Variants in SHISA6 observed in about 807,000 individuals in gnomAD.
SHISA6 encodes protein shisa-6.
SHISA6 carries 22 observed loss-of-function variants against 47.9 expected under a neutral mutation model. The observed-to-expected ratio is 0.46, with a 90% confidence interval of 0.33 to 0.66. The LOEUF (loss-of-function observed/expected upper bound fraction) is 0.66, where lower values mean the gene tolerates loss of function less well. Among genes scored for constraint, SHISA6 ranks in the 30% least tolerant of loss-of-function variants. SHISA6 has a pLI of 0.02. For missense variants in SHISA6, 680 were observed against 764.6 expected, an observed-to-expected ratio of 0.89 and a Z score of 1.30; for synonymous variants, 388 against 337.8, an observed-to-expected ratio of 1.15 and a Z score of -1.63.
chr17:11,369,598 C>G (rs1228990626), intron 2 of SHISA6, among the ~76,000 whole-genome samples: 1 of 152,230 alleles, frequency 6.6e-6, no homozygotes, highest in African/African-American at 2.4e-5. Context: ...TCCTTCATTT[C>G]TTAATAGAGC....
Position 11,263,497 on chromosome 17 carries a change from C to G in SHISA6, c.770C>G (p.Thr257Ser). The change falls in exon 2 of 6, where the codon ACT becomes AGT. Residue 257 changes from threonine (T) to serine (S), a missense_variant. Thr to Ser is a moderately conservative substitution (Grantham distance 58). Coordinates refer to ENST00000441885, the MANE Select transcript of SHISA6 (RefSeq NM_207386.4). ...PVRSSSKNHYTPVRTAKQTPG... is the reference protein window; with the variant it reads ...PVRSSSKNHYSPVRTAKQTPG... ...AGATCGTCCTCCAAAAACCACTACA[C>G]TCCTGTGCGTACGGCCAAGCAGACT... The G allele has an allele frequency of 2.6e-6, 4 of 1,551,754 alleles. No homozygotes were observed. The highest frequency in any genetic ancestry group is 1.2e-5 in the South Asian group (1 of 84,058).
intron 3 of SHISA6, among the ~76,000 whole-genome samples, chr17:11,510,231 G>A (rs2071531131): frequency 6.6e-6 from 1 of 151,890 alleles, no homozygotes; most frequent in East Asian, 1.9e-4. Context: ...CTTTCTTCAG[G>A]GAGCCTCCTC....
chr17:11,376,283 T>C (rs985475070), intron 2 of SHISA6, among the ~76,000 whole-genome samples: 6 of 151,640 alleles, frequency 4.0e-5, no homozygotes. Context: ...GACTCCCCTC[T>C]CTTCTGTCTG....
At chr17:11,440,561 G>A (rs1304658847) in intron 3 of SHISA6, among the ~76,000 whole-genome samples, 1 of 150,212 alleles carries the variant, frequency 6.7e-6, no homozygotes, top group Non-Finnish European at 1.5e-5. Context: ...TCACTTGCCT[G>A]TCCCACAGGT....
chr17:11,314,624 C>T (rs1188491525), intron 2 of SHISA6, among the ~76,000 whole-genome samples: 3 of 151,390 alleles, frequency 2.0e-5, no homozygotes, highest in East Asian at 1.9e-4. Flanking sequence ...CAACCTCCGT[C>T]TCCCGGATTC....
chr17:11,257,473 C>A (rs1908058589), intron 1 of SHISA6, among the ~76,000 whole-genome samples: 1 of 151,932 alleles, frequency 6.6e-6, no homozygotes, highest in Non-Finnish European at 1.5e-5. Flanking sequence ...CCAGCCTGAG[C>A]AACATGGTGA....
intron 3 of SHISA6, among the ~76,000 whole-genome samples, chr17:11,383,563 A>G (rs1168153259): frequency 6.6e-6 from 1 of 152,118 alleles, no homozygotes; most frequent in East Asian, 1.9e-4. Flanking sequence ...AAGGTCCCAC[A>G]GTGATTGGCC....
At chr17:11,355,342 C>A (rs1396983992) in intron 2 of SHISA6, among the ~76,000 whole-genome samples, 12 of 152,230 alleles carry the variant, frequency 7.9e-5, no homozygotes, top group Non-Finnish European at 1.6e-4. Flanking sequence ...CCTCCCTTTA[C>A]CTTGTACATA....
chr17:11,379,202 ATATG>A (rs1912923465), intron 2 of SHISA6, among the ~76,000 whole-genome samples: 8 of 148,202 alleles, frequency 5.4e-5, no homozygotes. Context: ...ATATATGTGT[ATATG>A]TATATATATT....
At position 11,391,003 on chromosome 17, in the gene SHISA6, C is replaced by T. The variant is rs115098836; in HGVS notation, c.895+11494C>T. On this transcript the variant is annotated intron_variant, in intron 3 of 5. Transcript: ENST00000441885. ...GAGAAAAATGTTGCCTCTGAATGGA[C>T]GGGTCCTAAATGGCCTCCTATGGGA... Among the ~76,000 whole-genome samples, 534 of 152,256 alleles carry T rather than the reference C, an allele frequency of 3.5e-3. 3 individuals are homozygous for T. The highest frequency in any genetic ancestry group is 0.012 in the African/African-American group (504 of 41,552).
chr17:11,271,592 C>A (rs1300961237), intron 2 of SHISA6, among the ~76,000 whole-genome samples: 1 of 148,492 alleles, frequency 6.7e-6, no homozygotes, highest in Non-Finnish European at 1.5e-5. Context: ...TGCACACCAC[C>A]ACGCCTGGCT....
At chr17:11,536,572 G>T (rs1421128625) in intron 3 of SHISA6, among the ~76,000 whole-genome samples, 1 of 152,158 alleles carries the variant, frequency 6.6e-6, no homozygotes, top group Non-Finnish European at 1.5e-5. Context: ...GAGGTGAAAA[G>T]AATCTGAAAT....
chr17:11,514,351 GC>G (rs1350035966), intron 3 of SHISA6, among the ~76,000 whole-genome samples: 1 of 152,164 alleles, frequency 6.6e-6, no homozygotes, highest in Non-Finnish European at 1.5e-5. Flanking sequence ...CTGGTATTGG[GC>G]ATAAGGCTTG....
At chr17:11,507,841 C>T (rs2071512454) in intron 3 of SHISA6, among the ~76,000 whole-genome samples, 1 of 152,190 alleles carries the variant, frequency 6.6e-6, no homozygotes, top group Admixed American at 6.5e-5. Context: ...GCATAACATC[C>T]TCATCCTTTG....
At chr17:11,450,701 A>T (rs1915372155) in intron 3 of SHISA6, among the ~76,000 whole-genome samples, 1 of 133,730 alleles carries the variant, frequency 7.5e-6, no homozygotes, top group South Asian at 2.6e-4. Flanking sequence ...ATCCAAAAGA[A>T]AAGAAAAAAA....
At chr17:11,523,381 C>G (rs193165724) in intron 3 of SHISA6, among the ~76,000 whole-genome samples, 6 of 152,280 alleles carry the variant, frequency 3.9e-5, no homozygotes, top group Admixed American at 6.5e-5. Context: ...AAAAGTGTAG[C>G]TGAATGAAAA....
intron 3 of SHISA6, among the ~76,000 whole-genome samples, chr17:11,491,985 G>T (rs992827511): frequency 6.6e-6 from 1 of 152,030 alleles, no homozygotes; most frequent in Non-Finnish European, 1.5e-5. Flanking sequence ...TGGTCAGGAT[G>T]GTCTCGATCT....
intron 3 of SHISA6, among the ~76,000 whole-genome samples, chr17:11,543,521 T>C (rs1473393737): frequency 6.6e-6 from 1 of 152,182 alleles, no homozygotes; most frequent in Non-Finnish European, 1.5e-5. Flanking sequence ...ACAGCAAAGA[T>C]GTCAGTTCTC....
chr17:11,263,375 T>C lies in SHISA6; in HGVS notation c.648T>C (p.Ala216=), dbSNP rs545530813. 5.1e-5 allele frequency: 79 copies of C among 1,552,170 alleles called. No individual in the cohort carries two copies. In the African/African-American group the frequency reaches 8.7e-4, roughly 17 times the overall value. The part of the protein sequence containing the change: ...PREMNIHRAL[A]DILRQQGPIP... The stretch of plus-strand genomic sequence containing the variant: ...TCTCCTCCTTGTTTAGGGCTCTGGC[T>C]GACATCTTAAGACAACAGGGACCAA... The change falls in exon 2 of 6, where the codon GCT becomes GCC. Residue 216 remains alanine (A), a synonymous_variant. Transcript: ENST00000441885.
Sources: allele counts gnomAD v4.1 joint callset (sites outside exome capture counted in the v4.1 genomes callset), GRCh38; gene constraint gnomAD v4.1.1; transcripts MANE v1.5; gene names NCBI Gene and HGNC (gene_info 2026-07-23, HGNC 2026-07-21).